COPG2: variants seen among roughly 807,000 people sequenced by gnomAD.
The protein encoded by COPG2 is coatomer subunit gamma-2.
COPG2 carries 37 observed loss-of-function variants against 46.3 expected under a neutral mutation model. The observed-to-expected ratio is 0.80, with a 90% CI of 0.61 to 1.05. COPG2 has a LOEUF of 1.05. Among genes scored for constraint, COPG2 ranks in the 50% least tolerant of loss-of-function variants. The pLI, the probability that COPG2 is intolerant of heterozygous loss-of-function variation, is 0.00. For missense variants in COPG2, 427 were observed against 387.8 expected, an observed-to-expected ratio of 1.10 and a Z score of -0.85; for synonymous variants, 159 against 129.7, an observed-to-expected ratio of 1.23 and a Z score of -1.53.
rs140714114 is a variant in COPG2, at chr7:130,618,221, G to A, written c.324-1156C>T. 2.5e-3 allele frequency among the ~76,000 whole-genome samples: 373 copies of A among 151,708 alleles called. 1 individual carries two copies. The highest frequency in any genetic ancestry group is 3.4e-3 in the Non-Finnish European group (233 of 67,934). ...CTGTCAGATGCAAGCTTGGTTTTCCGGATTTCCAAGAGGATCTATGAACTA... is the reference window on the plus strand; with the variant it reads ...CTGTCAGATGCAAGCTTGGTTTTCCAGATTTCCAAGAGGATCTATGAACTA... On this transcript the variant is annotated intron_variant, in intron 5 of 23. Coordinates refer to ENST00000425248, the MANE Select transcript of COPG2 (RefSeq NM_012133.6).
chr7:130,515,035 T>C (rs1367533842), intron 20 of COPG2, among the ~76,000 whole-genome samples: 2 of 152,236 alleles, frequency 1.3e-5, no homozygotes, highest in South Asian at 2.1e-4. Flanking sequence ...GAGGGAGAAG[T>C]TGAAGAGCAA....
At chr7:130,596,508 C>A (rs1448503504) in intron 9 of COPG2, among the ~76,000 whole-genome samples, 1 of 152,322 alleles carries the variant, frequency 6.6e-6, no homozygotes, top group East Asian at 1.9e-4. Flanking sequence ...TAGGTCCACA[C>A]TCATCCTACT....
At chr7:130,618,202 G>A (rs1794982693) in intron 5 of COPG2, among the ~76,000 whole-genome samples, 1 of 151,054 alleles carries the variant, frequency 6.6e-6, no homozygotes, top group East Asian at 1.9e-4. Context: ...GGCTCTGTCA[G>A]ATGCAAGCTT....
At chr7:130,568,277 A>G (rs1793838116) in intron 9 of COPG2, among the ~76,000 whole-genome samples, 1 of 152,142 alleles carries the variant, frequency 6.6e-6, no homozygotes, top group African/African-American at 2.4e-5. Flanking sequence ...CTCTGTCTCA[A>G]AAAAAAGAAT....
At chr7:130,568,805 A>G (rs977016528) in intron 9 of COPG2, among the ~76,000 whole-genome samples, 3 of 152,230 alleles carry the variant, frequency 2.0e-5, no homozygotes, top group Non-Finnish European at 4.4e-5. Context: ...AAACCATATG[A>G]CAGGCCACAA....
chr7:130,646,533 G>A (rs1179755982), intron 5 of COPG2, among the ~76,000 whole-genome samples: 7 of 152,002 alleles, frequency 4.6e-5, no homozygotes, highest in Non-Finnish European at 7.4e-5. Flanking sequence ...GTTACTGTTC[G>A]GACATGTTAT....
chr7:130,556,494 C>G (rs1793629176), intron 12 of COPG2, among the ~76,000 whole-genome samples: 1 of 152,112 alleles, frequency 6.6e-6, no homozygotes, highest in African/African-American at 2.4e-5. Context: ...TCCATATATA[C>G]AGTTTCAGAG....
At chr7:130,631,571 T>C (rs982308978) in intron 5 of COPG2, among the ~76,000 whole-genome samples, 1 of 151,226 alleles carries the variant, frequency 6.6e-6, no homozygotes, top group African/African-American at 2.4e-5. Context: ...ATTGTTATTT[T>C]AGTGGTGGCT....
intron 5 of COPG2, among the ~76,000 whole-genome samples, chr7:130,638,571 T>TC (rs1338611966): frequency 1.3e-5 from 2 of 151,778 alleles, no homozygotes; most frequent in Admixed American, 1.3e-4. Context: ...CAGACACCCC[T>TC]CCCCCCACAC....
At chr7:130,667,347 C>T (rs781914180) in intron 2 of COPG2, 135 bp downstream of exon 2, 4 of 681,556 alleles carry the variant, frequency 5.9e-6, no homozygotes, top group Admixed American at 3.1e-5. Flanking sequence ...CTTTCTTTTC[C>T]CTCAAATCTA....
intron 9 of COPG2, among the ~76,000 whole-genome samples, chr7:130,602,098 G>C (rs1554450416): frequency 6.6e-6 from 1 of 152,182 alleles, no homozygotes; most frequent in Non-Finnish European, 1.5e-5. Context: ...GATTCTCTCA[G>C]ATCCCTGACC....
At chr7:130,585,052 C>A (rs1794237488) in intron 9 of COPG2, among the ~76,000 whole-genome samples, 1 of 151,984 alleles carries the variant, frequency 6.6e-6, no homozygotes, top group African/African-American at 2.4e-5. Context: ...CATCACATTA[C>A]CTGATTTCAA....
At chr7:130,656,795 A>G (rs2116249102) in intron 4 of COPG2, among the ~76,000 whole-genome samples, 1 of 152,174 alleles carries the variant, frequency 6.6e-6, no homozygotes, top group Middle Eastern at 3.4e-3. Context: ...GACAGAAGTT[A>G]GAGAGACTTG....
intron 20 of COPG2, among the ~76,000 whole-genome samples, chr7:130,535,391 GGCAGGACAGCCATAA>G (rs1366715998): frequency 1.3e-5 from 2 of 152,024 alleles, no homozygotes; most frequent in African/African-American, 4.8e-5. Context: ...AAGGGAGCTG[GGCAGGACAGCCATAA>G]GCAGGACAGC....
intron 20 of COPG2, among the ~76,000 whole-genome samples, chr7:130,544,020 T>G (rs1427389034): frequency 6.6e-6 from 1 of 152,164 alleles, no homozygotes; most frequent in East Asian, 1.9e-4. Context: ...AATATTGATT[T>G]TAAAGCCAGA....
At chr7:130,533,499 A>G (rs1051717659) in intron 20 of COPG2, among the ~76,000 whole-genome samples, 1 of 152,006 alleles carries the variant, frequency 6.6e-6, no homozygotes. Context: ...TTGGCACCTC[A>G]GAAATGTTGG....
chr7:130,635,846 T>A (rs1795327250), intron 5 of COPG2, among the ~76,000 whole-genome samples: 2 of 152,240 alleles, frequency 1.3e-5, no homozygotes, highest in African/African-American at 4.8e-5. Context: ...CATTTAGTGC[T>A]ATAAATTTCC....
At chr7:130,561,652 C>G (rs1793723591) in intron 11 of COPG2, among the ~76,000 whole-genome samples, 1 of 152,178 alleles carries the variant, frequency 6.6e-6, no homozygotes, top group South Asian at 2.1e-4. Context: ...ACTGCATTAT[C>G]TATGGTTACT....
At chr7:130,587,401 T>G (rs186245893) in intron 9 of COPG2, among the ~76,000 whole-genome samples, 1 of 152,088 alleles carries the variant, frequency 6.6e-6, no homozygotes, top group Non-Finnish European at 1.5e-5. Flanking sequence ...CAATATCCAG[T>G]TGGATATTGT....
Sources: gnomAD v4.1 joint callset for allele counts (sites outside exome capture counted in the v4.1 genomes callset) on GRCh38, gnomAD v4.1.1 for gene constraint, MANE v1.5 for transcripts, NCBI Gene and HGNC (gene_info 2026-07-23, HGNC 2026-07-21) for gene names.